Variants in FNIP2 observed in about 807,000 individuals in gnomAD.
The protein encoded by FNIP2 is folliculin interacting protein 2.
Under a neutral mutation model 108.7 loss-of-function variants are expected in FNIP2, and 32 were observed. The ratio of observed to expected loss-of-function variants is 0.29; its 90% CI spans 0.22 to 0.40. The LOEUF (loss-of-function observed/expected upper bound fraction) is 0.40. FNIP2 is among the 10% of genes least tolerant of loss of function. The probability of loss-of-function intolerance (pLI) is 1.00; values close to 1 mark genes in which losing one functional copy is unlikely to be tolerated. For missense variants in FNIP2, 1,202 were observed against 1,381.6 expected, an observed-to-expected ratio of 0.87 and a Z score of 2.06; for synonymous variants, 480 against 496.7, an observed-to-expected ratio of 0.97 and a Z score of 0.45.
intron 1 of FNIP2, among the ~76,000 whole-genome samples, chr4:158,793,693 T>C (rs1346082354): frequency 6.6e-6 from 1 of 152,206 alleles, no homozygotes; most frequent in African/African-American, 2.4e-5. Context: ...ATGATTCCTC[T>C]CAGTTCTGTT....
chr4:158,808,922 G>A (rs1182160693), intron 1 of FNIP2, among the ~76,000 whole-genome samples: 2 of 152,114 alleles, frequency 1.3e-5, no homozygotes, highest in Non-Finnish European at 2.9e-5. Context: ...TAAAACAGAC[G>A]GAAACAGTGC....
intron 1 of FNIP2, among the ~76,000 whole-genome samples, chr4:158,824,696 C>G (rs961264122): frequency 4.6e-5 from 7 of 152,226 alleles, no homozygotes; most frequent in Non-Finnish European, 1.0e-4. Flanking sequence ...TCTTATCAAG[C>G]GTCTGTTTTC....
rs1403471780 is a variant in FNIP2 at position 158,891,492 on chromosome 4, C to T, written c.2996C>T (p.Ala999Val). The T allele has an allele frequency of 6.2e-7, 1 of 1,608,484 alleles. No individual in the cohort carries two copies. Among genetic ancestry groups the T allele is most frequent in the Non-Finnish European group, 8.5e-7 (1 of 1,177,346 alleles). ...ATAGCTGAAGCTGTCTGTATTATCGCAGACACGGATAAATGGAGTGTGCAG... is the reference window on the plus strand; with the variant it reads ...ATAGCTGAAGCTGTCTGTATTATCGTAGACACGGATAAATGGAGTGTGCAG... ...EPIAEAVCIIADTDKWSVQVA... is the reference protein window; with the variant it reads ...EPIAEAVCIIVDTDKWSVQVA... Residue 999 changes from alanine (A) to valine (V), a missense_variant, in exon 15 of 17, where the codon GCA (alanine) becomes GTA (valine). Physicochemically the swap from Ala to Val is moderately conservative, Grantham distance 64. Around this residue, in one of 5 missense-constraint regions of FNIP2, gnomAD observed 142 missense variants for 183.8 expected, o/e 0.77. Transcript: ENST00000264433.
chr4:158,816,483 G>T (rs1777574179), intron 1 of FNIP2, among the ~76,000 whole-genome samples: 1 of 152,126 alleles, frequency 6.6e-6, no homozygotes, highest in Non-Finnish European at 1.5e-5. Context: ...GCTGACAAGG[G>T]TGTAAAAGAA....
intron 1 of FNIP2, among the ~76,000 whole-genome samples, chr4:158,796,190 G>A (rs1032091273): frequency 7.9e-5 from 12 of 152,164 alleles, no homozygotes; most frequent in Admixed American, 6.5e-4. Context: ...TTTTTATAGA[G>A]CAAATGGCCC....
chr4:158,825,886 A>G (rs569663036), intron 1 of FNIP2, 30 bp from the exon 2 acceptor site: 22 of 1,595,898 alleles, frequency 1.4e-5, no homozygotes, highest in Non-Finnish European at 1.9e-5. Flanking sequence ...TGCAGATAAC[A>G]TAACTTCTTT....
At chr4:158,812,663 T>C (rs1777343184) in intron 1 of FNIP2, among the ~76,000 whole-genome samples, 1 of 152,102 alleles carries the variant, frequency 6.6e-6, no homozygotes, top group African/African-American at 2.4e-5. Flanking sequence ...AATTCCCATG[T>C]ACACCTTGCC....
chr4:158,833,593 A>G lies in FNIP2; in HGVS notation c.620A>G (p.Asn207Ser). Residue 207 changes from asparagine (N) to serine (S), a missense_variant, in exon 6 of 17, where the codon AAT becomes AGT. Physicochemically the swap from Asn to Ser is conservative, Grantham distance 46. Coordinates refer to ENST00000264433, the MANE Select transcript of FNIP2 (RefSeq NM_020840.3). ...TTGGGAAAACTGAACACAAATCAAAATAGTTTGGGTCCTTGTCGTACTGGA... is the reference window on the plus strand; with the variant it reads ...TTGGGAAAACTGAACACAAATCAAAGTAGTTTGGGTCCTTGTCGTACTGGA... ...PNLGKLNTNQ[N>S]SLGPCRTGSN... 1 of 1,611,634 alleles carries G rather than the reference A, an allele frequency of 6.2e-7. No homozygotes were observed. Among genetic ancestry groups the G allele is most frequent in the Non-Finnish European group, 8.5e-7 (1 of 1,179,314 alleles).
rs532487723 is a variant in FNIP2, at chr4:158,855,446, G to A, written c.858-3611G>A. Among the ~76,000 whole-genome samples, 254 of 151,954 alleles carry A rather than the reference G, an allele frequency of 1.7e-3. 6 individuals carry two copies. The South Asian group carries it at 0.025, about 15-fold the overall frequency. On this transcript the variant is annotated intron_variant, in intron 8 of 16. Coordinates refer to ENST00000264433, the MANE Select transcript of FNIP2 (RefSeq NM_020840.3). The stretch of plus-strand genomic sequence containing the variant: ...ACGTTTTGAATTGATTACTGTGCCC[G>A]TGAAGATCCCTTTTTTTTTGAGACG...
intron 7 of FNIP2, among the ~76,000 whole-genome samples, chr4:158,839,245 C>G (rs1778982057): frequency 6.6e-6 from 1 of 152,154 alleles, no homozygotes. Context: ...TGGACTTCTC[C>G]TGTGTGGAGA....
At chr4:158,801,759 C>G (rs1776770734) in intron 1 of FNIP2, among the ~76,000 whole-genome samples, 1 of 152,310 alleles carries the variant, frequency 6.6e-6, no homozygotes, top group South Asian at 2.1e-4. Context: ...TGACACATTT[C>G]CTTAGCGCTG....
intron 1 of FNIP2, among the ~76,000 whole-genome samples, chr4:158,788,619 TCCCC>T (rs1264025226): frequency 6.6e-6 from 1 of 152,226 alleles, no homozygotes; most frequent in African/African-American, 2.4e-5. Flanking sequence ...ATGTTGTTTA[TCCCC>T]TTTGGGAGAA....
chr4:158,779,347 G>T (rs890059699), intron 1 of FNIP2, among the ~76,000 whole-genome samples: 7 of 152,134 alleles, frequency 4.6e-5, no homozygotes, highest in African/African-American at 1.7e-4. Flanking sequence ...TGTCAGCTTT[G>T]TAGGATAGTA....
intron 7 of FNIP2, among the ~76,000 whole-genome samples, chr4:158,849,796 T>C (rs1156557374): frequency 1.3e-5 from 2 of 151,678 alleles, no homozygotes; most frequent in African/African-American, 4.9e-5. Flanking sequence ...ATGTAACAGT[T>C]TGGTTAAAAA....
chr4:158,848,728 C>T (rs758803069), intron 7 of FNIP2, among the ~76,000 whole-genome samples: 1 of 152,022 alleles, frequency 6.6e-6, no homozygotes, highest in Non-Finnish European at 1.5e-5. Flanking sequence ...TTCAAGAGAA[C>T]ACAGAAGGAA....
At position 158,833,513 on chromosome 4, in the gene FNIP2, C is replaced by G. The variant is rs775138293; in HGVS notation, c.555-15C>G. The stretch of plus-strand genomic sequence containing the variant: ...TTGTCCTCTTTCTCCTTTTCCCCCC[C>G]ATCTCCGGATATAGCTTGCAAGACA... On this transcript the variant is annotated splice_polypyrimidine_tract_variant and intron_variant, in intron 5 of 16. Coordinates refer to ENST00000264433, the MANE Select transcript of FNIP2 (RefSeq NM_020840.3). 6.5e-7 allele frequency: 1 copy of G among 1,529,180 alleles called. No homozygotes were observed. The highest frequency in any genetic ancestry group is 1.4e-5 in the African/African-American group (1 of 71,694). The allele number at this position is 1,529,180 out of a possible 1,614,324, so 94.7% of individuals were successfully genotyped here. A position where few individuals can be genotyped will look rare whatever the true frequency, so the allele number is the denominator to read the frequency against.
intron 14 of FNIP2, chr4:158,872,491 G>A (rs867451774): frequency 9.1e-6 from 9 of 985,340 alleles, no homozygotes; most frequent in South Asian, 9.4e-5. Flanking sequence ...CTGAGAGATC[G>A]AAAGTTATTA....
chr4:158,891,685 T>G (rs1434058028), intron 15 of FNIP2, 39 bp downstream of exon 15: 1 of 1,527,448 alleles, frequency 6.5e-7, no homozygotes, highest in Admixed American at 1.9e-5. Context: ...AAATCTAGTT[T>G]TAAAATGCTT....
chr4:158,809,869 G>A (rs1777178245), intron 1 of FNIP2, among the ~76,000 whole-genome samples: 1 of 152,136 alleles, frequency 6.6e-6, no homozygotes, highest in African/African-American at 2.4e-5. Flanking sequence ...TCCATTTTAT[G>A]TACATTTTTA....
Sources: allele counts gnomAD v4.1 joint callset (sites outside exome capture counted in the v4.1 genomes callset), GRCh38; gene constraint gnomAD v4.1.1; regional missense constraint gnomAD v4.1.1; transcripts MANE v1.5; gene names NCBI Gene and HGNC (gene_info 2026-07-23, HGNC 2026-07-21).